Variants in CNTNAP2 observed in about 807,000 individuals in gnomAD.
CNTNAP2 encodes contactin associated protein 2, also known as contactin-associated protein-like 2.
In CNTNAP2, 98 loss-of-function variants were observed where a neutral mutation model predicts 155.2. The ratio of observed to expected loss-of-function variants is 0.63; its 90% CI spans 0.54 to 0.75. The LOEUF is 0.75. Among genes scored for constraint, CNTNAP2 ranks in the 30% least tolerant of loss-of-function variants. The pLI is 0.00. For missense variants in CNTNAP2, 1,727 were observed against 1,688.1 expected (o/e 1.02, Z -0.40); for synonymous variants, 651 against 631.2 (o/e 1.03, Z -0.47).
At chr7:148,187,147 C>CACACACACACACAAAA (rs1197880658) in intron 18 of CNTNAP2, among the ~76,000 whole-genome samples, 1 of 67,098 alleles carries the variant, frequency 1.5e-5, no homozygotes, top group African/African-American at 3.1e-5. Flanking sequence ...CACACACACA[C>CACACACACACACAAAA]AAACAGAGCC....
intron 9 of CNTNAP2, among the ~76,000 whole-genome samples, chr7:147,392,166 CT>C (rs1399900501): frequency 6.6e-6 from 1 of 152,044 alleles, no homozygotes; most frequent in Non-Finnish European, 1.5e-5. Flanking sequence ...TCTGATGACA[CT>C]TTTCTCACCT....
At chr7:148,110,248 C>T (rs115715863) in intron 15 of CNTNAP2, among the ~76,000 whole-genome samples, 1,554 of 152,254 alleles carry the variant, frequency 0.01, 18 homozygotes, top group South Asian at 0.044. Context: ...CACAATTCCA[C>T]TGTACACATG....
chr7:147,563,846 G>A (rs1017330522), intron 12 of CNTNAP2, among the ~76,000 whole-genome samples: 30 of 152,018 alleles, frequency 2.0e-4, no homozygotes, highest in African/African-American at 6.3e-4. Context: ...TGTAAAACTA[G>A]AACTGAAAAC....
chr7:146,450,434 A>G (rs1796462281), intron 1 of CNTNAP2, among the ~76,000 whole-genome samples: 1 of 152,200 alleles, frequency 6.6e-6, no homozygotes, highest in Non-Finnish European at 1.5e-5. Flanking sequence ...TTTCTGCATT[A>G]AGCTGGTAGC....
chr7:146,950,330 G>T (rs939314760), intron 3 of CNTNAP2, among the ~76,000 whole-genome samples: 2 of 151,780 alleles, frequency 1.3e-5, no homozygotes, highest in African/African-American at 4.8e-5. Flanking sequence ...AATACTTTAA[G>T]TTCTGGGATA....
intron 12 of CNTNAP2, among the ~76,000 whole-genome samples, chr7:147,602,172 A>ATTTAAGGCATTT (rs1563016813): frequency 6.6e-6 from 1 of 151,648 alleles, no homozygotes; most frequent in Non-Finnish European, 1.5e-5. Flanking sequence ...CAGTTGGGGT[A>ATTTAAGGCATTT]TTTATCCCTT....
In CNTNAP2 at chr7:146,773,962, A is replaced by G. The variant is rs561984599; in HGVS notation, c.98-309A>G. 5.3e-5 allele frequency among the ~76,000 whole-genome samples: 8 copies of G among 152,312 alleles called. No individual in the cohort carries two copies. The South Asian group carries it at 1.4e-3, about 28-fold the overall frequency. On this transcript the variant is annotated intron_variant, in intron 1 of 23. Coordinates refer to ENST00000361727, the MANE Select transcript of CNTNAP2 (RefSeq NM_014141.6). ...TACCTGAAGATTTCCAGGAGATGCCAGATACCAAAGCTTATTACAGGAACA... is the reference window on the plus strand; with the variant it reads ...TACCTGAAGATTTCCAGGAGATGCCGGATACCAAAGCTTATTACAGGAACA...
chr7:147,676,797 A>T (rs1795875980), intron 13 of CNTNAP2, among the ~76,000 whole-genome samples: 1 of 151,948 alleles, frequency 6.6e-6, no homozygotes, highest in Admixed American at 6.6e-5. Context: ...TTCACTTAAC[A>T]TAAGGTCCTC....
At position 147,029,137 on chromosome 7, in the gene CNTNAP2, G is replaced by C. The variant is rs188787921; in HGVS notation, c.403-14770G>C. Among the ~76,000 whole-genome samples, 5 of 151,700 alleles carry C rather than the reference G, an allele frequency of 3.3e-5. No individual in the cohort carries two copies. The East Asian group carries it at 9.8e-4, about 30-fold the overall frequency. On this transcript the variant is annotated intron_variant, in intron 3 of 23. Transcript: ENST00000361727. ...CGCCACCACGCCCAGCTAATTTTTTGTATTTTTAGTAGAGACGGGATTTCA... is the reference window on the plus strand; with the variant it reads ...CGCCACCACGCCCAGCTAATTTTTTCTATTTTTAGTAGAGACGGGATTTCA...
At chr7:147,775,262 TATATTTATATATATATTTATAA>T (rs1220299228) in intron 13 of CNTNAP2, among the ~76,000 whole-genome samples, 1 of 110,890 alleles carries the variant, frequency 9.0e-6, no homozygotes, top group East Asian at 2.4e-4. Context: ...TATTTATAAA[TATATTTATATATATATTTATAA>T]ATATATATAT....
intron 14 of CNTNAP2, among the ~76,000 whole-genome samples, chr7:147,946,026 C>G (rs896194938): frequency 6.6e-6 from 1 of 151,796 alleles, no homozygotes; most frequent in Non-Finnish European, 1.5e-5. Flanking sequence ...CGCCACCATG[C>G]TCGGCTGATT....
At chr7:146,896,200 C>T (rs1169958515) in intron 3 of CNTNAP2, among the ~76,000 whole-genome samples, 2 of 152,100 alleles carry the variant, frequency 1.3e-5, no homozygotes, top group African/African-American at 4.8e-5. Flanking sequence ...AGCATAACCT[C>T]ATCTTAGTTT....
intron 1 of CNTNAP2, among the ~76,000 whole-genome samples, chr7:146,420,596 G>T (rs374702895): frequency 2.6e-5 from 4 of 152,036 alleles, no homozygotes; most frequent in African/African-American, 9.7e-5. Context: ...TATGGTCTTT[G>T]TTGTCCACTG....
chr7:146,413,484 G>T (rs1245927004), intron 1 of CNTNAP2, among the ~76,000 whole-genome samples: 1 of 152,114 alleles, frequency 6.6e-6, no homozygotes, highest in East Asian at 1.9e-4. Context: ...TGCAGACAAA[G>T]AACAATATAA....
At position 147,718,620 on chromosome 7, in the gene CNTNAP2, G is replaced by C. The variant is rs550577929; in HGVS notation, c.2098+79314G>C. On this transcript the variant is annotated intron_variant, in intron 13 of 23. Coordinates refer to ENST00000361727, the MANE Select transcript of CNTNAP2 (RefSeq NM_014141.6). ...CATTTTTGGTAAGACCTGTTTTGCTGACTCTTCTTGTTATGCAAATGGCAT... is the reference window on the plus strand; with the variant it reads ...CATTTTTGGTAAGACCTGTTTTGCTCACTCTTCTTGTTATGCAAATGGCAT... 2.6e-5 allele frequency among the ~76,000 whole-genome samples: 4 copies of C among 151,622 alleles called. No individual in the cohort carries two copies. In the South Asian group the frequency reaches 8.3e-4, roughly 31 times the overall value.
intron 19 of CNTNAP2, among the ~76,000 whole-genome samples, chr7:148,223,247 T>G (rs1032893676): frequency 6.6e-5 from 10 of 152,162 alleles, no homozygotes; most frequent in African/African-American, 2.2e-4. Flanking sequence ...TCTCCTTGCT[T>G]TAAACTCCTA....
chr7:147,924,143 C>CTTTTT lies in CNTNAP2; in HGVS notation c.2255+20431_2255+20435dup, dbSNP rs71527854. 1.4e-4 allele frequency among the ~76,000 whole-genome samples: 17 copies of CTTTTT among 123,484 alleles called. 1 individual carries two copies. Among genetic ancestry groups the CTTTTT allele is most frequent in the African/African-American group, 3.2e-4 (10 of 31,536 alleles). 81.0% of individuals were successfully genotyped at this position (123,484 alleles called of 152,430 possible). ...GCACTTTTTTCTTTTCTTTTCTTTTCTTTTTTTTTTTTTGAGACAGAGTTT... is the reference window on the plus strand; with the variant it reads ...GCACTTTTTTCTTTTCTTTTCTTTTCTTTTTTTTTTTTTTTTTTGAGACAGAGTTT... On this transcript the variant is annotated intron_variant, in intron 14 of 23. Coordinates refer to ENST00000361727, the MANE Select transcript of CNTNAP2 (RefSeq NM_014141.6).
chr7:147,948,794 G>A (rs554580083), intron 14 of CNTNAP2, among the ~76,000 whole-genome samples: 5 of 151,872 alleles, frequency 3.3e-5, no homozygotes, highest in Non-Finnish European at 5.9e-5. Flanking sequence ...ATAGCCTACC[G>A]TTGACTGGAA....
chr7:146,177,465 T>C (rs1009524271), intron 1 of CNTNAP2, among the ~76,000 whole-genome samples: 1 of 152,222 alleles, frequency 6.6e-6, no homozygotes, highest in African/African-American at 2.4e-5. Context: ...GAATGTGATG[T>C]ATTTTCTTCT....
Sources: allele counts gnomAD v4.1 joint callset (sites outside exome capture counted in the v4.1 genomes callset), GRCh38; gene constraint gnomAD v4.1.1; transcripts MANE v1.5; gene names NCBI Gene and HGNC (gene_info 2026-07-23, HGNC 2026-07-21).